Variants in KCNH5 observed in about 807,000 individuals in gnomAD.
KCNH5 encodes voltage-gated delayed rectifier potassium channel KCNH5.
KCNH5 carries 46 observed loss-of-function variants against 96.1 expected under a neutral mutation model. The ratio of observed to expected loss-of-function variants is 0.48; its 90% CI spans 0.38 to 0.61. The LOEUF (loss-of-function observed/expected upper bound fraction) is 0.61. KCNH5 is among the 20% of genes least tolerant of loss of function. KCNH5 has a pLI of 0.00. For missense variants in KCNH5, 907 were observed against 1,225.8 expected, an observed-to-expected ratio of 0.74 and a Z score of 3.88; for synonymous variants, 439 against 449.8, an observed-to-expected ratio of 0.98 and a Z score of 0.30.
At chr14:62,810,196 T>C (rs1009839022) in intron 8 of KCNH5, among the ~76,000 whole-genome samples, 3 of 152,116 alleles carry the variant, frequency 2.0e-5, no homozygotes, top group Non-Finnish European at 4.4e-5. Context: ...TCAAGAGTTA[T>C]AAATGGCCCT....
In KCNH5 at chr14:62,999,256, T is replaced by C. The variant is rs561952488; in HGVS notation, c.433+2075A>G. On this transcript the variant is annotated intron_variant, in intron 4 of 10. Coordinates refer to ENST00000322893, the MANE Select transcript of KCNH5 (RefSeq NM_139318.5). ...ACTGGTGCGAGATGGTATCTCATTGTGGTTTTGATTTGCATTTCTCTGATG... is the reference window on the plus strand; with the variant it reads ...ACTGGTGCGAGATGGTATCTCATTGCGGTTTTGATTTGCATTTCTCTGATG... Among the ~76,000 whole-genome samples, 106 of 152,326 alleles carry C rather than the reference T, an allele frequency of 7.0e-4. 1 individual carries two copies. The highest frequency in any genetic ancestry group is 7.6e-4 in the Non-Finnish European group (52 of 68,042).
chr14:62,819,260 C>T, intron 8 of KCNH5, among the ~76,000 whole-genome samples: 1 of 152,136 alleles, frequency 6.6e-6, no homozygotes, highest in Admixed American at 6.5e-5. Context: ...AGCCACCGTG[C>T]CTGGCCAAGA....
chr14:62,747,595 G>A (rs1168886816), intron 10 of KCNH5, among the ~76,000 whole-genome samples: 2 of 152,206 alleles, frequency 1.3e-5, no homozygotes, highest in Non-Finnish European at 2.9e-5. Context: ...TGTAGTTAAA[G>A]TGCAAGCTTT....
intron 8 of KCNH5, among the ~76,000 whole-genome samples, chr14:62,839,250 T>C (rs964810996): frequency 3.3e-5 from 5 of 152,202 alleles, no homozygotes; most frequent in Non-Finnish European, 7.4e-5. Flanking sequence ...TTTCTAGCTC[T>C]TTTTTCTAAT....
intron 1 of KCNH5, among the ~76,000 whole-genome samples, chr14:63,020,041 G>A (rs1488675626): frequency 6.6e-6 from 1 of 152,052 alleles, no homozygotes; most frequent in Non-Finnish European, 1.5e-5. Flanking sequence ...ACACAGAAAA[G>A]AGAAACAACA....
intron 2 of KCNH5, among the ~76,000 whole-genome samples, chr14:63,009,408 C>T (rs1455783296): frequency 6.6e-6 from 1 of 152,142 alleles, no homozygotes; most frequent in East Asian, 1.9e-4. Context: ...GCTAAAATCA[C>T]TTATCCTAGG....
At chr14:62,823,441 T>C (rs1448506124) in intron 8 of KCNH5, among the ~76,000 whole-genome samples, 1 of 152,014 alleles carries the variant, frequency 6.6e-6, no homozygotes, top group Non-Finnish European at 1.5e-5. Context: ...GGGGTATGAG[T>C]AATGGAGTCA....
chr14:62,980,901 T>C lies in KCNH5; in HGVS notation c.913A>G (p.Ile305Val), dbSNP rs2139568205. 2 of 1,614,018 alleles carry C rather than the reference T, an allele frequency of 1.2e-6. No individual in the cohort carries two copies. The highest frequency in any genetic ancestry group is 1.7e-6 in the Non-Finnish European group (2 of 1,179,994). The change falls in exon 6 of 11, where the codon ATC (isoleucine) becomes GTC (valine). Residue 305 changes from isoleucine (I) to valine (V), a missense_variant. Ile to Val is a conservative substitution (Grantham distance 29). Transcript: ENST00000322893. ...TCCACATTTTCAAAGGCATTGATGA[T>C]GTCATAAGGTAAACAAGACAGCAGA... Reference protein sequence around the residue: ...IDLLSCLPYDIINAFENVDEG... With the variant: ...IDLLSCLPYDVINAFENVDEG...
chr14:62,715,986 C>G (rs1170029056), intron 10 of KCNH5, among the ~76,000 whole-genome samples: 3 of 152,136 alleles, frequency 2.0e-5, no homozygotes, highest in Non-Finnish European at 4.4e-5. Flanking sequence ...ACTGAAATAA[C>G]TAATGAAATG....
intron 10 of KCNH5, among the ~76,000 whole-genome samples, chr14:62,750,336 C>A (rs901581505): frequency 6.6e-6 from 1 of 152,196 alleles, no homozygotes; most frequent in African/African-American, 2.4e-5. Flanking sequence ...TAACTGTTTT[C>A]CACTGATTAG....
intron 8 of KCNH5, among the ~76,000 whole-genome samples, chr14:62,838,581 A>C (rs1377849683): frequency 6.6e-6 from 1 of 152,196 alleles, no homozygotes; most frequent in African/African-American, 2.4e-5. Flanking sequence ...AAGGATAAGG[A>C]AAGTTTATTT....
At chr14:62,840,082 T>C (rs1887545188) in intron 8 of KCNH5, among the ~76,000 whole-genome samples, 1 of 152,342 alleles carries the variant, frequency 6.6e-6, no homozygotes, top group African/African-American at 2.4e-5. Context: ...ATTATGTTTA[T>C]TTCTATTTAT....
intron 9 of KCNH5, among the ~76,000 whole-genome samples, chr14:62,783,209 T>C (rs1268220278): frequency 6.6e-6 from 1 of 152,084 alleles, no homozygotes; most frequent in Non-Finnish European, 1.5e-5. Context: ...CATACACACA[T>C]ACATGCACAC....
chr14:62,933,082 G>A (rs2140117167), intron 7 of KCNH5, among the ~76,000 whole-genome samples: 1 of 152,204 alleles, frequency 6.6e-6, no homozygotes, highest in South Asian at 2.1e-4. Flanking sequence ...CAGGCTGAGG[G>A]CTTTAAGTCA....
chr14:63,001,272 TAAG>T lies in KCNH5; in HGVS notation c.433+56_433+58del, dbSNP rs1891005413. 22 of 1,486,160 alleles carry T rather than the reference TAAG, an allele frequency of 1.5e-5. No homozygotes were observed. In the East Asian group the frequency reaches 3.8e-4, roughly 26 times the overall value. 92.1% of individuals were successfully genotyped at this position (1,486,160 alleles called of 1,614,324 possible). ...AGTTCAATCAGCAGAGGTAAAACAG[TAAG>T]AAGATCTTTTAGCAACAGCCTAATT... On this transcript the variant is annotated intron_variant, in intron 4 of 10. Coordinates refer to ENST00000322893, the MANE Select transcript of KCNH5 (RefSeq NM_139318.5).
intron 9 of KCNH5, among the ~76,000 whole-genome samples, chr14:62,797,565 A>C (rs1053593623): frequency 6.6e-6 from 1 of 152,194 alleles, no homozygotes; most frequent in Non-Finnish European, 1.5e-5. Flanking sequence ...AAGAAATATA[A>C]CTACAGCATA....
At chr14:63,040,678 GTTA>G (rs1221063300) in intron 1 of KCNH5, among the ~76,000 whole-genome samples, 12 of 152,222 alleles carry the variant, frequency 7.9e-5, no homozygotes, top group Middle Eastern at 3.4e-3. Context: ...AATTGTAAAA[GTTA>G]TTATTCCTTT....
At chr14:62,947,773 G>A (rs559735025) in intron 7 of KCNH5, among the ~76,000 whole-genome samples, 2 of 151,536 alleles carry the variant, frequency 1.3e-5, no homozygotes, top group East Asian at 1.9e-4. Context: ...CTCAAGAGGC[G>A]CTAATAATGC....
At chr14:63,042,648 A>G (rs1259456853) in intron 1 of KCNH5, among the ~76,000 whole-genome samples, 2 of 152,176 alleles carry the variant, frequency 1.3e-5, no homozygotes, top group African/African-American at 2.4e-5. Flanking sequence ...AACCTGATCC[A>G]TCTGTGAGAA....
Sources: gnomAD v4.1 joint callset for allele counts (sites outside exome capture counted in the v4.1 genomes callset) on GRCh38, gnomAD v4.1.1 for gene constraint, MANE v1.5 for transcripts, NCBI Gene and HGNC (gene_info 2026-07-23, HGNC 2026-07-21) for gene names.